The following EGFLAM variants were observed in gnomAD, a reference collection of about 807,000 sequenced individuals.
EGFLAM encodes the protein EGF like, fibronectin type III and laminin G domains.
Under a neutral mutation model 113.1 loss-of-function variants are expected in EGFLAM, and 79 were observed. The ratio of observed to expected loss-of-function variants is 0.70; its 90% CI spans 0.58 to 0.84. The LOEUF is 0.84. Among genes scored for constraint, EGFLAM ranks in the 40% least tolerant of loss-of-function variants. The probability of loss-of-function intolerance (pLI) is 0.00; values close to 1 mark genes in which losing one functional copy is unlikely to be tolerated. For synonymous variants in EGFLAM, 504 were observed against 487.6 expected, an observed-to-expected ratio of 1.03 and a Z score of -0.44; for missense variants, 1,265 against 1,291.6, an observed-to-expected ratio of 0.98 and a Z score of 0.32.
Position 38,427,070 on chromosome 5 carries a change from G to C in EGFLAM, c.1872G>C (p.Trp624Cys). Residue 624 changes from tryptophan to cysteine, a missense_variant, in exon 14 of 22, where the codon TGG (tryptophan) becomes TGC (cysteine). Trp to Cys is a radical substitution (Grantham distance 215). Coordinates refer to ENST00000322350, the MANE Select transcript of EGFLAM (RefSeq NM_152403.4). ...ESLRSYAATP[W>C]PLEPQHYLSF... ...TGAGATCTTACGCTGCAACTCCCTG[G>C]CCACTGGAGCCCCAGCATTACCTTT... 6.2e-7 allele frequency: 1 copy of C among 1,614,018 alleles called. No homozygotes were observed. The highest frequency in any genetic ancestry group is 8.5e-7 in the Non-Finnish European group (1 of 1,180,016).
Position 38,372,538 on chromosome 5 carries a change from C to G in EGFLAM, c.712+2076C>G, listed in dbSNP as rs145089423. On this transcript the variant is annotated intron_variant, in intron 6 of 21. Coordinates refer to ENST00000322350, the MANE Select transcript of EGFLAM (RefSeq NM_152403.4). ...ATAATTTCCCCATTGCTGGATCCTGCTTTTCTGGATTGAGTGGATAAGTTA... is the reference window on the plus strand; with the variant it reads ...ATAATTTCCCCATTGCTGGATCCTGGTTTTCTGGATTGAGTGGATAAGTTA... 4.4e-4 allele frequency among the ~76,000 whole-genome samples: 67 copies of G among 152,266 alleles called. No individual in the cohort carries two copies. The East Asian group carries it at 0.012, about 28-fold the overall frequency.
intron 6 of EGFLAM, among the ~76,000 whole-genome samples, chr5:38,383,585 C>G (rs949648190): frequency 4.6e-5 from 7 of 152,106 alleles, no homozygotes; most frequent in African/African-American, 1.7e-4. Flanking sequence ...TTTCTGGATG[C>G]TGGGGTTTTA....
intron 3 of EGFLAM, chr5:38,345,718 T>C (rs1171875298): frequency 6.6e-6 from 1 of 152,226 alleles, no homozygotes; most frequent in African/African-American, 2.4e-5. Context: ...ACATCTTGAC[T>C]TGTCTTCAGA....
chr5:38,388,398 T>G (rs1274279690), intron 6 of EGFLAM, among the ~76,000 whole-genome samples: 1 of 152,056 alleles, frequency 6.6e-6, no homozygotes, highest in Non-Finnish European at 1.5e-5. Context: ...GGTGAGAGGA[T>G]TGCTTGAGCC....
chr5:38,378,854 A>G (rs926278625), intron 6 of EGFLAM, among the ~76,000 whole-genome samples: 8 of 152,180 alleles, frequency 5.3e-5, no homozygotes, highest in Admixed American at 3.9e-4. Context: ...GATATTTTCT[A>G]CTTCTCAGGG....
At chr5:38,304,718 G>A (rs1340058362) in intron 1 of EGFLAM, among the ~76,000 whole-genome samples, 1 of 152,132 alleles carries the variant, frequency 6.6e-6, no homozygotes, top group Non-Finnish European at 1.5e-5. Context: ...GGATTCCTAA[G>A]CATCTAAACA....
At position 38,451,411 on chromosome 5, in the gene EGFLAM, C is replaced by T. The variant is rs1369521927; in HGVS notation, c.2640C>T (p.Asn880=). 2 of 1,614,124 alleles carry T rather than the reference C, an allele frequency of 1.2e-6. No individual in the cohort carries two copies. The highest frequency in any genetic ancestry group is 1.3e-5 in the African/African-American group (1 of 74,950). ...LWRGDSPMRP[N]SDFISLGLRD... The stretch of plus-strand genomic sequence containing the variant: ...GGGGAGACAGCCCCATGAGACCCAA[C>T]AGCGACTTCATTTCCTTGGGCCTTC... Residue 880 remains asparagine, a synonymous_variant, in exon 19 of 22, where the codon AAC becomes AAT. Coordinates refer to ENST00000322350, the MANE Select transcript of EGFLAM (RefSeq NM_152403.4).
chr5:38,375,060 GTTTTT>G (rs74821426), intron 6 of EGFLAM, among the ~76,000 whole-genome samples: 1 of 107,738 alleles, frequency 9.3e-6, no homozygotes, highest in Admixed American at 9.1e-5. Context: ...CTCTGTTGTT[GTTTTT>G]TTTTTTTTTT....
At chr5:38,295,445 A>G (rs975714555) in intron 1 of EGFLAM, among the ~76,000 whole-genome samples, 1 of 152,218 alleles carries the variant, frequency 6.6e-6, no homozygotes, top group South Asian at 2.1e-4. Context: ...GCTTGTGAAT[A>G]AAGTTTAGAT....
rs1741345304 is a variant in EGFLAM, at chr5:38,407,897, G to C, written c.1240G>C (p.Glu414Gln). Residue 414 changes from glutamate to glutamine, a missense_variant, in exon 9 of 22, where the codon GAA becomes CAA. By Grantham distance (29) the Glu-to-Gln change is conservative (BLOSUM62 2). Coordinates refer to ENST00000322350, the MANE Select transcript of EGFLAM (RefSeq NM_152403.4). ...NSYQAFQITL[E>Q]FRAEAEDGLL... ...TTATCAGGCATTTCAAATTACTCTT[G>C]AATTTAGGGTAAGAGGGATGTGTTG... is the stretch of plus-strand genomic sequence containing the variant. 1 of 1,608,772 alleles carries C rather than the reference G, an allele frequency of 6.2e-7. No individual in the cohort carries two copies. The highest frequency in any genetic ancestry group is 1.1e-5 in the South Asian group (1 of 90,934).
At chr5:38,276,680 T>C (rs370152188) in intron 1 of EGFLAM, among the ~76,000 whole-genome samples, 3 of 151,214 alleles carry the variant, frequency 2.0e-5, no homozygotes, top group African/African-American at 4.9e-5. Context: ...AACTTTTAGC[T>C]AGACTAGAAA....
intron 1 of EGFLAM, among the ~76,000 whole-genome samples, chr5:38,291,440 G>A (rs1758329168): frequency 6.6e-6 from 1 of 152,132 alleles, no homozygotes; most frequent in East Asian, 1.9e-4. Context: ...TCTGGCATCT[G>A]TGTGGCCACT....
chr5:38,292,006 T>C (rs1184039203), intron 1 of EGFLAM, among the ~76,000 whole-genome samples: 1 of 152,136 alleles, frequency 6.6e-6, no homozygotes, highest in African/African-American at 2.4e-5. Context: ...ACCTGTGAAG[T>C]TTTCTAACAT....
intron 1 of EGFLAM, chr5:38,282,447 G>A (rs1466419395): frequency 6.6e-6 from 1 of 152,198 alleles, no homozygotes; most frequent in Non-Finnish European, 1.5e-5. Flanking sequence ...CACCTGAGGG[G>A]TGAAGCTTGG....
chr5:38,440,725 A>G lies in EGFLAM; in HGVS notation c.2464+2270A>G, dbSNP rs962141916. ...CCTCATAATCAAACCATGTTTCAAA[A>G]CAAGAGCCTGTTCCCAGTATTCCTA... On this transcript the variant is annotated intron_variant, in intron 17 of 21. Transcript: ENST00000322350. 7.9e-5 allele frequency among the ~76,000 whole-genome samples: 12 copies of G among 152,326 alleles called. No homozygotes were observed. In the South Asian group the frequency reaches 8.3e-4, roughly 11 times the overall value.
chr5:38,335,680 C>A (rs1023872598), intron 1 of EGFLAM, among the ~76,000 whole-genome samples: 1 of 152,124 alleles, frequency 6.6e-6, no homozygotes, highest in Non-Finnish European at 1.5e-5. Context: ...TGGTGACAAT[C>A]GTAGGTGTAT....
At chr5:38,462,825 C>A (rs781246014) in intron 20 of EGFLAM, 83 bp from the exon 21 acceptor site, 7 of 1,456,578 alleles carry the variant, frequency 4.8e-6, no homozygotes, top group African/African-American at 4.2e-5. Context: ...TCCTTTAATA[C>A]ATTTGTATTG....
intron 17 of EGFLAM, among the ~76,000 whole-genome samples, chr5:38,439,849 T>C (rs554580944): frequency 6.6e-6 from 1 of 152,324 alleles, no homozygotes; most frequent in Non-Finnish European, 1.5e-5. Flanking sequence ...TTACTAAGTC[T>C]CCAATTTTAC....
chr5:38,434,880 T>C (rs1266411515), intron 15 of EGFLAM, among the ~76,000 whole-genome samples: 1 of 152,164 alleles, frequency 6.6e-6, no homozygotes, highest in Non-Finnish European at 1.5e-5. Flanking sequence ...AGCTATGAGG[T>C]AGATACAATG....
Sources: gnomAD v4.1 joint callset for allele counts (sites outside exome capture counted in the v4.1 genomes callset) on GRCh38, gnomAD v4.1.1 for gene constraint, MANE v1.5 for transcripts, NCBI Gene and HGNC (gene_info 2026-07-23, HGNC 2026-07-21) for gene names.